Variants in ADK observed in about 807,000 individuals in gnomAD.
ADK encodes the protein N6,N6-dimethyladenosine kinase.
A neutral mutation model predicts 44.7 loss-of-function variants in ADK; 24 were observed. The observed-to-expected ratio is 0.54, with a 90% CI of 0.39 to 0.76. The LOEUF (loss-of-function observed/expected upper bound fraction) is 0.76. ADK is among the 30% of genes least tolerant of loss of function. ADK has a pLI of 0.00. For missense variants in ADK, 321 were observed against 425.1 expected (o/e 0.76, Z 2.15); for synonymous variants, 128 against 142.6 (o/e 0.90, Z 0.73).
intron 4 of ADK, among the ~76,000 whole-genome samples, chr10:74,383,435 CCT>C (rs1300304223): frequency 7.9e-5 from 10 of 125,834 alleles, no homozygotes; most frequent in Non-Finnish European, 1.5e-4. Context: ...TCTTTCTCGG[CCT>C]CTCTGCCATT....
At chr10:74,351,591 T>G (rs1354422452) in intron 4 of ADK, among the ~76,000 whole-genome samples, 1 of 152,102 alleles carries the variant, frequency 6.6e-6, no homozygotes, top group East Asian at 1.9e-4. Context: ...GAGAAAGAAA[T>G]AAAGCGTATT....
intron 4 of ADK, among the ~76,000 whole-genome samples, chr10:74,326,699 CTT>C (rs1229862148): frequency 6.6e-6 from 1 of 151,988 alleles, no homozygotes; most frequent in Non-Finnish European, 1.5e-5. Flanking sequence ...TGATGGGAGA[CTT>C]TTTATCACTG....
chr10:74,363,090 C>T (rs73288028), intron 4 of ADK, among the ~76,000 whole-genome samples: 4,058 of 152,312 alleles, frequency 0.027, 167 homozygotes, highest in African/African-American at 0.081. Context: ...ATGCATCACC[C>T]AACAGGTCCC....
chr10:74,515,631 A>G (rs1043105869), intron 6 of ADK, among the ~76,000 whole-genome samples: 7 of 152,096 alleles, frequency 4.6e-5, no homozygotes, highest in African/African-American at 1.2e-4. Context: ...GGGCGTGCCT[A>G]TGGGGGACCT....
At chr10:74,432,923 G>A (rs1845049791) in intron 6 of ADK, among the ~76,000 whole-genome samples, 1 of 152,042 alleles carries the variant, frequency 6.6e-6, no homozygotes, top group South Asian at 2.1e-4. Flanking sequence ...TGTCTATTCT[G>A]GAACCTTTTT....
chr10:74,314,807 G>A lies in ADK; in HGVS notation c.273+62G>A, dbSNP rs967148036. On this transcript the variant is annotated intron_variant, in intron 4 of 10. Coordinates refer to ENST00000539909, the MANE Select transcript of ADK (RefSeq NM_006721.4). ...ATGATTCTAGACCCATGTCTATTTT[G>A]CATAATTGTTTCCTTTTATATTGTG... The A allele has an allele frequency of 1.0e-5, 13 of 1,257,530 alleles. No individual in the cohort carries two copies. The Admixed American group carries it at 2.1e-4, about 20-fold the overall frequency. The allele number at this position is 1,257,530 out of a possible 1,614,324, so 77.9% of individuals were successfully genotyped here. A position where few individuals can be genotyped will look rare whatever the true frequency, so the allele number is the denominator to read the frequency against.
At chr10:74,700,311 C>T (rs989902768) in intron 10 of ADK, among the ~76,000 whole-genome samples, 2 of 152,172 alleles carry the variant, frequency 1.3e-5, no homozygotes, top group African/African-American at 2.4e-5. Flanking sequence ...GGCGTGATCT[C>T]GGCTCACTGC....
intron 6 of ADK, among the ~76,000 whole-genome samples, chr10:74,474,134 C>T (rs1420570288): frequency 2.0e-5 from 3 of 150,286 alleles, no homozygotes; most frequent in Admixed American, 6.6e-5. Flanking sequence ...ATTTTTTTTT[C>T]GAGATGGGTT....
chr10:74,186,206 C>G (rs1842757719), intron 1 of ADK, among the ~76,000 whole-genome samples: 1 of 138,994 alleles, frequency 7.2e-6, no homozygotes, highest in South Asian at 2.3e-4. Flanking sequence ...CCTTCCCTTC[C>G]CTTCCCTTCC....
intron 7 of ADK, chr10:74,527,570 T>C (rs1045479696): frequency 5.3e-6 from 4 of 753,832 alleles, no homozygotes; most frequent in Non-Finnish European, 9.9e-6. Context: ...AGCTCAAATT[T>C]GGAGGATAAC....
intron 6 of ADK, among the ~76,000 whole-genome samples, chr10:74,480,063 G>C (rs995024473): frequency 1.3e-5 from 2 of 151,918 alleles, no homozygotes; most frequent in African/African-American, 4.8e-5. Flanking sequence ...TATCCTCTGT[G>C]TTCTTTTTTT....
At chr10:74,220,953 C>T (rs1278047750) in intron 2 of ADK, among the ~76,000 whole-genome samples, 2 of 151,160 alleles carry the variant, frequency 1.3e-5, no homozygotes, top group Non-Finnish European at 2.9e-5. Flanking sequence ...CCTTTGAAAA[C>T]TGGCACAAGA....
At chr10:74,484,023 T>C (rs1847174503) in intron 6 of ADK, among the ~76,000 whole-genome samples, 1 of 152,210 alleles carries the variant, frequency 6.6e-6, no homozygotes, top group African/African-American at 2.4e-5. Flanking sequence ...GCTTCCACAT[T>C]TTCAGTCATC....
At chr10:74,655,395 A>G in intron 9 of ADK, 1 of 410,802 alleles carries the variant, frequency 2.4e-6, no homozygotes. Flanking sequence ...AAAGAGTTGG[A>G]CGAAGACACG....
intron 7 of ADK, among the ~76,000 whole-genome samples, chr10:74,557,957 G>C (rs1301389147): frequency 6.6e-6 from 1 of 152,170 alleles, no homozygotes; most frequent in Admixed American, 6.5e-5. Flanking sequence ...ACATAGGTTA[G>C]TTAGGATAAG....
intron 9 of ADK, among the ~76,000 whole-genome samples, chr10:74,629,778 T>C (rs1853345369): frequency 1.3e-5 from 2 of 152,186 alleles, no homozygotes; most frequent in Non-Finnish European, 2.9e-5. Flanking sequence ...ACATATGAAC[T>C]GGTTTGTGAA....
chr10:74,161,410 T>C (rs1288225069), intron 1 of ADK, among the ~76,000 whole-genome samples: 1 of 152,188 alleles, frequency 6.6e-6, no homozygotes, highest in East Asian at 1.9e-4. Context: ...GGGGTTTCAC[T>C]GTGTTAGCCA....
At position 74,394,308 on chromosome 10, in the gene ADK, C is replaced by T. The variant is rs886047236; in HGVS notation, c.441C>T (p.Asp147=). ...CTTGTGCTGCATGCATCACTGGTGA[C>T]AACAGGTCAGTGTAATTCCAAGGGA... ...TGTCAACITG[D]NRSLIANLAA... Residue 147 remains aspartate, a synonymous_variant, in exon 5 of 11, where the codon GAC becomes GAT. Transcript: ENST00000539909. 8.1e-6 allele frequency: 13 copies of T among 1,613,748 alleles called. No homozygotes were observed. Among genetic ancestry groups the T allele is most frequent in the Non-Finnish European group, 9.3e-6 (11 of 1,179,880 alleles).
chr10:74,241,122 C>T, intron 3 of ADK, among the ~76,000 whole-genome samples: 1 of 152,222 alleles, frequency 6.6e-6, no homozygotes, highest in South Asian at 2.1e-4. Flanking sequence ...ATAAAAGAAG[C>T]CATTATTTAA....
Sources: gnomAD v4.1 joint callset for allele counts (sites outside exome capture counted in the v4.1 genomes callset) on GRCh38, gnomAD v4.1.1 for gene constraint, MANE v1.5 for transcripts, NCBI Gene and HGNC (gene_info 2026-07-23, HGNC 2026-07-21) for gene names.